The following CCDC102B variants were observed in gnomAD, a reference collection of about 807,000 sequenced individuals.
The protein encoded by CCDC102B is coiled-coil domain containing 102B.
CCDC102B carries 75 observed loss-of-function variants against 57.4 expected under a neutral mutation model. The observed-to-expected ratio is 1.31, with a 90% CI of 1.08 to 1.58. CCDC102B has a LOEUF of 1.58. Among genes scored for constraint, CCDC102B ranks in the 40% most tolerant of loss-of-function variants. The probability of loss-of-function intolerance (pLI) is 0.00; values close to 1 mark genes in which losing one functional copy is unlikely to be tolerated. For missense variants in CCDC102B, 636 were observed against 582.6 expected (o/e 1.09, Z -0.94); for synonymous variants, 206 against 201.9 (o/e 1.02, Z -0.17).
chr18:68,880,536 C>CT (rs2039656868), intron 5 of CCDC102B, among the ~76,000 whole-genome samples: 1 of 152,244 alleles, frequency 6.6e-6, no homozygotes, highest in Non-Finnish European at 1.5e-5. Context: ...GCTGTGAGGA[C>CT]TGCCAGCATG....
chr18:68,829,112 G>C (rs150795992), intron 1 of CCDC102B, among the ~76,000 whole-genome samples: 111 of 151,652 alleles, frequency 7.3e-4, no homozygotes, highest in Non-Finnish European at 1.3e-3. Context: ...TGGAGGAGCT[G>C]GGCTTTTAAA....
At chr18:69,020,726 A>T (rs2051808624) in intron 7 of CCDC102B, among the ~76,000 whole-genome samples, 1 of 152,198 alleles carries the variant, frequency 6.6e-6, no homozygotes, top group African/African-American at 2.4e-5. Context: ...TCAACATGCA[A>T]ATAATAACTG....
chr18:69,011,086 C>G lies in CCDC102B; in HGVS notation c.1416C>G (p.Leu472=). 6.2e-7 allele frequency: 1 copy of G among 1,612,928 alleles called. No individual in the cohort carries two copies. Among genetic ancestry groups the G allele is most frequent in the Non-Finnish European group, 8.5e-7 (1 of 1,179,584 alleles). Residue 472 remains leucine, a synonymous_variant, in exon 7 of 8, where the codon CTC becomes CTG. Coordinates refer to ENST00000360242, the MANE Select transcript of CCDC102B (RefSeq NM_024781.3). ...GAGTGGAAGAACTAAAGCAGGGACT[C>G]AATCAAAAAGAAGATGAGGTACTAC... ...RLRVEELKQG[L]NQKEDELDDS... is the part of the protein sequence containing the mutation.
chr18:68,871,213 C>G (rs1316468713), intron 4 of CCDC102B, among the ~76,000 whole-genome samples: 1 of 152,088 alleles, frequency 6.6e-6, no homozygotes, highest in Non-Finnish European at 1.5e-5. Flanking sequence ...AGAGAATATA[C>G]TAAATAAATA....
intron 4 of CCDC102B, among the ~76,000 whole-genome samples, chr18:68,871,506 T>C (rs2039237123): frequency 6.6e-6 from 1 of 152,214 alleles, no homozygotes; most frequent in Non-Finnish European, 1.5e-5. Flanking sequence ...AGCATAATTT[T>C]AAAATGTTCA....
intron 2 of CCDC102B, among the ~76,000 whole-genome samples, chr18:68,779,542 A>G (rs944557670): frequency 1.0e-4 from 13 of 128,048 alleles, no homozygotes; most frequent in African/African-American, 3.4e-4. Context: ...ATCACATGTT[A>G]GCACAACAAT....
At chr18:68,874,858 A>T (rs2039383074) in intron 5 of CCDC102B, 73 bp downstream of exon 5, 4 of 968,264 alleles carry the variant, frequency 4.1e-6, no homozygotes, top group Non-Finnish European at 6.5e-6. Flanking sequence ...TACTATTTTA[A>T]GTAGGGTAAC....
At chr18:68,848,870 C>A (rs1452377354) in intron 4 of CCDC102B, among the ~76,000 whole-genome samples, 2 of 152,044 alleles carry the variant, frequency 1.3e-5, no homozygotes, top group Admixed American at 6.6e-5. Flanking sequence ...TTCTTTGCCA[C>A]ATGTGAGAAT....
upstream of CCDC102B, among the ~76,000 whole-genome samples, chr18:68,793,111 A>G (rs2035516175): frequency 1.3e-5 from 2 of 152,188 alleles, no homozygotes; most frequent in South Asian, 4.1e-4. Flanking sequence ...GGAACACCAC[A>G]GCTGTACTCT....
chr18:68,996,805 C>T lies in CCDC102B; in HGVS notation c.1264-14129C>T, dbSNP rs117799344. Among the ~76,000 whole-genome samples the T allele has an allele frequency of 9.8e-3, 1,493 of 152,200 alleles. 68 individuals are homozygous for T. The East Asian group carries it at 0.12, about 13-fold the overall frequency. Reference sequence around the variant, plus strand: ...GCTGGAATTAAGAATTTGGGGGAAGCTTGGGAAGGCATGATTGGTTTTGAA... The same window carrying T: ...GCTGGAATTAAGAATTTGGGGGAAGTTTGGGAAGGCATGATTGGTTTTGAA... On this transcript the variant is annotated intron_variant, in intron 6 of 7. Transcript: ENST00000360242.
intron 6 of CCDC102B, chr18:68,993,469 G>A (rs1203579817): frequency 6.6e-6 from 1 of 152,128 alleles, no homozygotes; most frequent in Non-Finnish European, 1.5e-5. Flanking sequence ...CTCTTTTCCT[G>A]TAATAAAGAT....
intron 1 of CCDC102B, among the ~76,000 whole-genome samples, chr18:68,810,599 C>A (rs1326019010): frequency 6.8e-6 from 1 of 147,296 alleles, no homozygotes; most frequent in Non-Finnish European, 1.5e-5. Flanking sequence ...AAACTTAGTG[C>A]TTTTTTTCCA....
At chr18:68,881,452 G>C (rs927187171) in intron 5 of CCDC102B, among the ~76,000 whole-genome samples, 1 of 152,246 alleles carries the variant, frequency 6.6e-6, no homozygotes, top group African/African-American at 2.4e-5. Context: ...TAGGCCATAG[G>C]GTGCCCAGAC....
intron 2 of CCDC102B, among the ~76,000 whole-genome samples, chr18:68,786,202 A>G (rs1410097179): frequency 6.6e-6 from 1 of 151,828 alleles, no homozygotes; most frequent in Non-Finnish European, 1.5e-5. Flanking sequence ...CTGTTTTGGT[A>G]CCAGTACCAT....
intron 1 of CCDC102B, among the ~76,000 whole-genome samples, chr18:68,823,715 T>C (rs2036789296): frequency 6.6e-6 from 1 of 152,194 alleles, no homozygotes; most frequent in African/African-American, 2.4e-5. Flanking sequence ...CTCACCAGCA[T>C]CTGTCGTTTT....
At chr18:68,795,745 AT>A (rs2035608665), upstream of CCDC102B, among the ~76,000 whole-genome samples, 1 of 152,180 alleles carries the variant, frequency 6.6e-6, no homozygotes, top group Admixed American at 6.6e-5. Context: ...GTATTTCCAA[AT>A]AATCATCTTC....
intron 2 of CCDC102B, among the ~76,000 whole-genome samples, chr18:68,748,873 G>A (rs1197820454): frequency 6.6e-6 from 1 of 152,102 alleles, no homozygotes; most frequent in Non-Finnish European, 1.5e-5. Flanking sequence ...AGCATAGGAG[G>A]GAAATGGAAT....
chr18:68,798,865 C>T (rs770931399), intron 1 of CCDC102B, among the ~76,000 whole-genome samples: 9 of 151,914 alleles, frequency 5.9e-5, no homozygotes, highest in South Asian at 4.2e-4. Context: ...CATTTGCTTA[C>T]GTTTTCTGCA....
At chr18:68,882,081 A>G (rs539785749) in intron 5 of CCDC102B, among the ~76,000 whole-genome samples, 1 of 152,340 alleles carries the variant, frequency 6.6e-6, no homozygotes, top group East Asian at 1.9e-4. Flanking sequence ...TAGCATTTTA[A>G]TAAGATTTTA....
Sources: gnomAD v4.1 joint callset for allele counts (sites outside exome capture counted in the v4.1 genomes callset) on GRCh38, gnomAD v4.1.1 for gene constraint, MANE v1.5 for transcripts, NCBI Gene and HGNC (gene_info 2026-07-23, HGNC 2026-07-21) for gene names.